The following FGF14 variants were observed in gnomAD, a reference collection of about 807,000 sequenced individuals.
The protein encoded by FGF14 is fibroblast growth factor homologous factor 4.
FGF14 carries 5 observed loss-of-function variants against 25.5 expected under a neutral mutation model. The observed-to-expected ratio is 0.20, with a 90% CI of 0.10 to 0.41. The LOEUF is 0.41. FGF14 is among the 10% of genes least tolerant of loss of function. The pLI, the probability that FGF14 is intolerant of heterozygous loss-of-function variation, is 1.00. For missense variants in FGF14, 222 were observed against 320.1 expected (o/e 0.69, Z 2.34); for synonymous variants, 138 against 118.3 (o/e 1.17, Z -1.08).
At position 102,037,908 on chromosome 13, in the gene FGF14, C is replaced by T. The variant is rs138687043; in HGVS notation, c.209-162612G>A. Among the ~76,000 whole-genome samples the T allele has an allele frequency of 1.0e-3, 155 of 152,144 alleles. 2 individuals are homozygous for T. The East Asian group carries it at 0.019, about 19-fold the overall frequency. ...TTCCCTTTATATCAAATATCTCAAA[C>T]TCCATGTTAATTCCCCCATTTTATA... On this transcript the variant is annotated intron_variant, in intron 1 of 4. Transcript: ENST00000376131.
At chr13:102,120,588 C>T (rs903645434) in intron 1 of FGF14, among the ~76,000 whole-genome samples, 4 of 152,130 alleles carry the variant, frequency 2.6e-5, no homozygotes, top group South Asian at 2.1e-4. Flanking sequence ...CTCACAAAGA[C>T]GTCATCCAGA....
intron 1 of FGF14, among the ~76,000 whole-genome samples, chr13:102,124,906 T>G (rs1410741757): frequency 6.6e-6 from 1 of 152,132 alleles, no homozygotes; most frequent in Non-Finnish European, 1.5e-5. Context: ...TGAAAAATAA[T>G]TCCTTTACCT....
At chr13:102,373,613 G>A (rs1462612881) in intron 1 of FGF14, 1 of 152,164 alleles carries the variant, frequency 6.6e-6, no homozygotes, top group Non-Finnish European at 1.5e-5. Flanking sequence ...AAATTTAAAT[G>A]TCACTCTTCA....
At chr13:101,890,009 T>C (rs1390567336) in intron 1 of FGF14, among the ~76,000 whole-genome samples, 3 of 152,188 alleles carry the variant, frequency 2.0e-5, no homozygotes, top group African/African-American at 4.8e-5. Context: ...GAACCAGTCT[T>C]TGTGTTCCCT....
chr13:101,723,268 AACACACAC>A (rs36111495), intron 4 of FGF14, among the ~76,000 whole-genome samples: 3 of 150,038 alleles, frequency 2.0e-5, no homozygotes, highest in Non-Finnish European at 4.4e-5. Context: ...CATGATGTAA[AACACACAC>A]ACACACACAC....
At chr13:102,003,523 C>T (rs183373903) in intron 1 of FGF14, among the ~76,000 whole-genome samples, 49 of 152,294 alleles carry the variant, frequency 3.2e-4, no homozygotes, top group Admixed American at 2.2e-3. Flanking sequence ...CAATGCTAAG[C>T]TGAGGGACCA....
intron 1 of FGF14, among the ~76,000 whole-genome samples, chr13:102,348,945 T>A (rs991693949): frequency 6.6e-6 from 1 of 152,192 alleles, no homozygotes; most frequent in Non-Finnish European, 1.5e-5. Flanking sequence ...CAGATTTCTA[T>A]CCCAGTGCTG....
chr13:101,755,538 T>C (rs911503025), intron 3 of FGF14, among the ~76,000 whole-genome samples: 2 of 151,682 alleles, frequency 1.3e-5, no homozygotes, highest in Non-Finnish European at 2.9e-5. Context: ...ATCAAAAGAG[T>C]TGGCTAAAAA....
intron 1 of FGF14, among the ~76,000 whole-genome samples, chr13:101,887,075 C>A (rs981259987): frequency 3.6e-4 from 54 of 151,906 alleles, no homozygotes; most frequent in African/African-American, 1.3e-3. Context: ...GAAAGGGGAA[C>A]CCTCATATGC....
intron 1 of FGF14, among the ~76,000 whole-genome samples, chr13:102,010,804 A>G (rs2040038122): frequency 6.6e-6 from 1 of 152,164 alleles, no homozygotes; most frequent in Non-Finnish European, 1.5e-5. Context: ...CAGAATGGTG[A>G]AAGATAGGAA....
At chr13:102,275,844 A>G (rs2053509584) in intron 1 of FGF14, among the ~76,000 whole-genome samples, 1 of 152,170 alleles carries the variant, frequency 6.6e-6, no homozygotes, top group Non-Finnish European at 1.5e-5. Context: ...ACAGTTATTT[A>G]AAATGAAACA....
intron 1 of FGF14, among the ~76,000 whole-genome samples, chr13:102,241,074 G>A (rs2051573935): frequency 6.6e-6 from 1 of 152,026 alleles, no homozygotes; most frequent in Non-Finnish European, 1.5e-5. Context: ...CAGAAATCAG[G>A]AAAACACAAA....
chr13:102,366,069 G>C (rs1224879587), intron 1 of FGF14, among the ~76,000 whole-genome samples: 1 of 152,168 alleles, frequency 6.6e-6, no homozygotes, highest in African/African-American at 2.4e-5. Context: ...TCAATGGTTA[G>C]TGAAAAGGTT....
chr13:102,329,928 A>T (rs1299327045), intron 1 of FGF14, among the ~76,000 whole-genome samples: 1 of 152,106 alleles, frequency 6.6e-6, no homozygotes, highest in Admixed American at 6.6e-5. Flanking sequence ...GATCACATTT[A>T]AACCTAAATT....
chr13:102,004,311 A>G (rs1159442148), intron 1 of FGF14, among the ~76,000 whole-genome samples: 1 of 152,166 alleles, frequency 6.6e-6, no homozygotes, highest in Non-Finnish European at 1.5e-5. Flanking sequence ...GAGTCACTTC[A>G]GAATGTTATG....
In FGF14 at chr13:102,295,969, A is replaced by G. The variant is rs536223299; in HGVS notation, c.208+105502T>C. On this transcript the variant is annotated intron_variant, in intron 1 of 4. Coordinates refer to the FGF14 transcript ENST00000376131. ...ATAAAGTCCCTTTGAACTATAGAAG[A>G]AAAAAAACAGAAGAATTGACCTCAG... is the stretch of plus-strand genomic sequence containing the variant. Among the ~76,000 whole-genome samples, 15 of 152,114 alleles carry G rather than the reference A, an allele frequency of 9.9e-5. No homozygotes were observed. The South Asian group carries it at 2.7e-3, about 27-fold the overall frequency.
At chr13:102,144,831 T>TA (rs1378195625) in intron 1 of FGF14, among the ~76,000 whole-genome samples, 1 of 152,190 alleles carries the variant, frequency 6.6e-6, no homozygotes, top group African/African-American at 2.4e-5. Flanking sequence ...AATTTTCATC[T>TA]AAAAGAACAT....
At chr13:101,752,335 GA>G (rs2037341191) in intron 3 of FGF14, among the ~76,000 whole-genome samples, 1 of 152,084 alleles carries the variant, frequency 6.6e-6, no homozygotes, top group African/African-American at 2.4e-5. Flanking sequence ...GTTGACCAGA[GA>G]AGAATGAAAT....
intron 1 of FGF14, among the ~76,000 whole-genome samples, chr13:102,094,494 T>C (rs1595252053): frequency 6.6e-6 from 1 of 152,230 alleles, no homozygotes; most frequent in South Asian, 2.1e-4. Flanking sequence ...ACAAAAGTGC[T>C]CTATTCTGGA....
Sources: allele counts gnomAD v4.1 joint callset (sites outside exome capture counted in the v4.1 genomes callset), GRCh38; gene constraint gnomAD v4.1.1; transcripts MANE v1.5; gene names NCBI Gene and HGNC (gene_info 2026-07-23, HGNC 2026-07-21).